The following ACACA variants were observed in gnomAD, a reference collection of about 807,000 sequenced individuals.
ACACA encodes acetyl-CoA carboxylase alpha.
Under a neutral mutation model 296.1 loss-of-function variants are expected in ACACA, and 103 were observed. The ratio of observed to expected loss-of-function variants is 0.35; its 90% CI spans 0.30 to 0.41. ACACA has a LOEUF of 0.41. Among genes scored for constraint, ACACA ranks in the 10% least tolerant of loss-of-function variants. The pLI, the probability that ACACA is intolerant of heterozygous loss-of-function variation, is 1.00. For missense variants in ACACA, 1,554 were observed against 2,989.7 expected (o/e 0.52, Z 11.20); for synonymous variants, 953 against 1,038.6 (o/e 0.92, Z 1.58).
In ACACA at chr17:37,270,838, T is replaced by C; in HGVS notation, c.1032A>G (p.Pro344=). Residue 344 remains proline, a synonymous_variant, in exon 10 of 56, where the codon CCA becomes CCG. Coordinates refer to ENST00000616317, the MANE Select transcript of ACACA (RefSeq NM_198834.3). ...CTCCCTCTGAGGCCTTGATCATTACTGGATATCCAACTTCCTCAGCTGCCT... is the reference window on the plus strand; with the variant it reads ...CTCCCTCTGAGGCCTTGATCATTACCGGATATCCAACTTCCTCAGCTGCCT... ...GLQAAEEVGY[P]VMIKASEGGG... The C allele has an allele frequency of 1.2e-6, 2 of 1,613,742 alleles. No individual in the cohort carries two copies. Among genetic ancestry groups the C allele is most frequent in the Non-Finnish European group, 1.7e-6 (2 of 1,179,864 alleles).
intron 3 of ACACA, among the ~76,000 whole-genome samples, chr17:37,313,809 A>T (rs1308609244): frequency 6.6e-6 from 1 of 152,138 alleles, no homozygotes; most frequent in Non-Finnish European, 1.5e-5. Context: ...TCCTCAAAAA[A>T]CTAAAAATGG....
At chr17:37,264,362 G>A (rs937631880) in intron 10 of ACACA, among the ~76,000 whole-genome samples, 11 of 152,204 alleles carry the variant, frequency 7.2e-5, no homozygotes, top group African/African-American at 2.6e-4. Flanking sequence ...ATTCTAAAAT[G>A]GTAACTATTT....
At chr17:37,147,043 C>T (rs2075841094) in intron 45 of ACACA, among the ~76,000 whole-genome samples, 1 of 152,060 alleles carries the variant, frequency 6.6e-6, no homozygotes, top group South Asian at 2.1e-4. Flanking sequence ...GGCACTTGCA[C>T]ACACAAGATT....
intron 3 of ACACA, among the ~76,000 whole-genome samples, chr17:37,306,990 G>A (rs958367829): frequency 2.0e-5 from 3 of 152,006 alleles, no homozygotes; most frequent in African/African-American, 4.8e-5. Flanking sequence ...GAGCCACCAC[G>A]CCTGGCCTTA....
At chr17:37,318,097 C>T (rs1324373814) in intron 3 of ACACA, among the ~76,000 whole-genome samples, 1 of 152,144 alleles carries the variant, frequency 6.6e-6, no homozygotes, top group Non-Finnish European at 1.5e-5. Context: ...AAAGTCAATA[C>T]ATAAGAACAC....
intron 1 of ACACA, among the ~76,000 whole-genome samples, chr17:37,400,728 T>TTGTGTGTGTG (rs551347148): frequency 1.4e-4 from 20 of 146,046 alleles, no homozygotes; most frequent in African/African-American, 5.1e-4. Flanking sequence ...CAGTATTCCA[T>TTGTGTGTGTG]TGTGTGTGTG....
chr17:37,202,847 T>C (rs1346853981), intron 33 of ACACA, among the ~76,000 whole-genome samples: 3 of 151,402 alleles, frequency 2.0e-5, no homozygotes, highest in Non-Finnish European at 4.4e-5. Flanking sequence ...TAAATAGCCT[T>C]AGGCAAAGAT....
Position 37,097,238 on chromosome 17 carries a change from C to T in ACACA, c.6721-72G>A, listed in dbSNP as rs984717261. ...AATGCTCAGTCTGGAGGGAAACCCA[C>T]AGGCATAAAAACTGATTCTCCAGGC... is the stretch of plus-strand genomic sequence containing the variant. On this transcript the variant is annotated intron_variant, in intron 53 of 55. Transcript: ENST00000616317. This position sits in a 1 kb window ranked among gnomAD's most constrained non-coding sequence, Gnocchi z 4.8. 1 of 1,553,098 alleles carries T rather than the reference C, an allele frequency of 6.4e-7. No homozygotes were observed. Among genetic ancestry groups the T allele is most frequent in the Non-Finnish European group, 8.7e-7 (1 of 1,143,796 alleles).
At chr17:37,290,957 C>T (rs2083023611) in intron 3 of ACACA, among the ~76,000 whole-genome samples, 1 of 151,416 alleles carries the variant, frequency 6.6e-6, no homozygotes, top group Non-Finnish European at 1.5e-5. Context: ...TGGCGTGTGC[C>T]TGTAGTCCCA....
At chr17:37,371,939 C>T (rs2049821933) in intron 1 of ACACA, among the ~76,000 whole-genome samples, 1 of 151,846 alleles carries the variant, frequency 6.6e-6, no homozygotes, top group Non-Finnish European at 1.5e-5. Flanking sequence ...AATAAAATGG[C>T]CATGCTGGTG....
At chr17:37,165,461 C>T (rs2076629345) in intron 41 of ACACA, among the ~76,000 whole-genome samples, 1 of 151,968 alleles carries the variant, frequency 6.6e-6, no homozygotes, top group Non-Finnish European at 1.5e-5. Context: ...AAAATAATAC[C>T]CATGGGTTTG....
chr17:37,240,415 T>A, intron 24 of ACACA, 61 bp downstream of exon 24: 1 of 1,457,524 alleles, frequency 6.9e-7, no homozygotes, highest in Admixed American at 1.8e-5. Flanking sequence ...ATAGGGATAG[T>A]TTGGGTTGGT....
In ACACA at chr17:37,192,072, T is replaced by C; in HGVS notation, c.4416+18A>G. Reference sequence around the variant, plus strand: ...CCCTTCCCTCAGGGATAACATCCCATTAAAGTACAGCACCCACCTTGGTGA... The same window carrying C: ...CCCTTCCCTCAGGGATAACATCCCACTAAAGTACAGCACCCACCTTGGTGA... On this transcript the variant is annotated intron_variant, in intron 37 of 55. Transcript: ENST00000616317. The C allele has an allele frequency of 6.2e-7, 1 of 1,612,972 alleles. No individual in the cohort carries two copies. Among genetic ancestry groups the C allele is most frequent in the Non-Finnish European group, 8.5e-7 (1 of 1,179,030 alleles).
intron 38 of ACACA, among the ~76,000 whole-genome samples, chr17:37,189,124 T>C (rs1441647755): frequency 6.6e-6 from 1 of 152,228 alleles, no homozygotes; most frequent in Non-Finnish European, 1.5e-5. Flanking sequence ...TCTAAGTTTA[T>C]ACCAAGGCAG....
chr17:37,144,889 C>T (rs2143941511), intron 45 of ACACA, among the ~76,000 whole-genome samples: 1 of 152,154 alleles, frequency 6.6e-6, no homozygotes, highest in South Asian at 2.1e-4. Flanking sequence ...GAATCTATCA[C>T]CTGCATATCA....
At chr17:37,128,911 TGAG>T (rs1453380924) in intron 47 of ACACA, among the ~76,000 whole-genome samples, 2 of 152,214 alleles carry the variant, frequency 1.3e-5, no homozygotes, top group Non-Finnish European at 2.9e-5. Context: ...CAGAGCTTGC[TGAG>T]AAGAGTGAAG....
chr17:37,346,333 G>T (rs1568030020), intron 1 of ACACA, among the ~76,000 whole-genome samples: 1 of 124,306 alleles, frequency 8.0e-6, no homozygotes, highest in African/African-American at 3.4e-5. Flanking sequence ...AAAAAAAAAA[G>T]TATTATGGCT....
At chr17:37,111,387 G>T (rs901242405) in intron 52 of ACACA, 144 bp downstream of exon 52, 2 of 737,332 alleles carry the variant, frequency 2.7e-6, no homozygotes, top group Non-Finnish European at 4.8e-6. Flanking sequence ...TTCTACCAGG[G>T]TTCTTACCAT....
chr17:37,337,488 C>G (rs977280934), intron 2 of ACACA, among the ~76,000 whole-genome samples: 1 of 151,616 alleles, frequency 6.6e-6, no homozygotes, highest in African/African-American at 2.4e-5. Context: ...GGGTCTTGCT[C>G]TGTCACTCAG....
Sources: gnomAD v4.1 joint callset for allele counts (sites outside exome capture counted in the v4.1 genomes callset) on GRCh38, gnomAD v4.1.1 for gene constraint, Gnocchi (gnomAD v3.1) non-coding constraint, MANE v1.5 for transcripts, NCBI Gene and HGNC (gene_info 2026-07-23, HGNC 2026-07-21) for gene names.